Variants in DNMBP observed in about 807,000 individuals in gnomAD.
DNMBP encodes the protein dynamin binding protein, also known as dynamin-binding protein.
Under a neutral mutation model 150.0 loss-of-function variants are expected in DNMBP, and 87 were observed. The ratio of observed to expected loss-of-function variants is 0.58; its 90% CI spans 0.49 to 0.69. DNMBP has a LOEUF of 0.69. Among genes scored for constraint, DNMBP ranks in the 30% least tolerant of loss-of-function variants. The pLI is 0.00. For synonymous variants in DNMBP, 711 were observed against 750.4 expected, an observed-to-expected ratio of 0.95 and a Z score of 0.86; for missense variants, 1,774 against 1,949.0, an observed-to-expected ratio of 0.91 and a Z score of 1.69.
At chr10:99,969,282 T>C in intron 2 of DNMBP, 45 bp from the exon 3 acceptor site, 1 of 1,608,892 alleles carries the variant, frequency 6.2e-7, no homozygotes, top group Non-Finnish European at 8.5e-7. Context: ...CTGAGATTTC[T>C]TTTCCCGTCT....
intron 3 of DNMBP, among the ~76,000 whole-genome samples, chr10:99,959,920 G>A (rs1032715393): frequency 6.6e-6 from 1 of 151,706 alleles, no homozygotes; most frequent in Admixed American, 6.6e-5. Flanking sequence ...TGAAGGGTAT[G>A]GACAATGAAT....
At chr10:99,921,423 C>T (rs1173579906) in intron 4 of DNMBP, among the ~76,000 whole-genome samples, 2 of 152,168 alleles carry the variant, frequency 1.3e-5, no homozygotes, top group African/African-American at 2.4e-5. Flanking sequence ...CTATTATATG[C>T]CAAGTACTAT....
intron 8 of DNMBP, 113 bp from the exon 9 acceptor site, chr10:99,898,398 T>C (rs1364289001): frequency 1.1e-5 from 9 of 801,554 alleles, no homozygotes; most frequent in Non-Finnish European, 1.9e-5. Context: ...AATAATAATG[T>C]ACACCTATGG....
At chr10:99,961,261 CTTTTTCTTTTTTT>C (rs1564747544) in intron 3 of DNMBP, among the ~76,000 whole-genome samples, 3 of 132,282 alleles carry the variant, frequency 2.3e-5, no homozygotes, top group Non-Finnish European at 4.7e-5. Flanking sequence ...TATTTCTTCC[CTTTTTCTTTTTTT>C]TTTTTTTTTT....
chr10:99,916,669 G>A (rs527794126), intron 4 of DNMBP, among the ~76,000 whole-genome samples: 9 of 149,706 alleles, frequency 6.0e-5, no homozygotes, highest in South Asian at 4.3e-4. Context: ...AAAAAAAATC[G>A]AACCTCAATA....
intron 4 of DNMBP, among the ~76,000 whole-genome samples, chr10:99,936,513 T>A (rs1293417401): frequency 2.1e-5 from 3 of 139,760 alleles, no homozygotes; most frequent in Non-Finnish European, 4.6e-5. Context: ...GATTTCTTTT[T>A]TCTTTTTTTT....
At chr10:99,924,160 G>A (rs967205104) in intron 4 of DNMBP, among the ~76,000 whole-genome samples, 24 of 151,774 alleles carry the variant, frequency 1.6e-4, no homozygotes, top group Admixed American at 2.0e-4. Context: ...GGCCGGGTGC[G>A]GTGGCGGTAG....
At chr10:99,882,946 T>C (rs2039392893) in intron 15 of DNMBP, among the ~76,000 whole-genome samples, 1 of 151,944 alleles carries the variant, frequency 6.6e-6, no homozygotes, top group Admixed American at 6.6e-5. Context: ...GCGTGCTACT[T>C]GTGAGGCTGA....
intron 1 of DNMBP, among the ~76,000 whole-genome samples, chr10:99,985,537 A>T (rs1324322827): frequency 6.6e-6 from 1 of 152,056 alleles, no homozygotes; most frequent in Non-Finnish European, 1.5e-5. Context: ...TGTCAGGTGG[A>T]GGTTCCTTCA....
At chr10:99,970,318 C>A (rs1479429802) in intron 2 of DNMBP, among the ~76,000 whole-genome samples, 1 of 152,210 alleles carries the variant, frequency 6.6e-6, no homozygotes, top group Non-Finnish European at 1.5e-5. Flanking sequence ...ATTGGATTAA[C>A]ACAGATGCAT....
intron 9 of DNMBP, among the ~76,000 whole-genome samples, chr10:99,897,178 C>G (rs1228282177): frequency 6.6e-6 from 1 of 152,100 alleles, no homozygotes; most frequent in Non-Finnish European, 1.5e-5. Flanking sequence ...TCAGCACAGT[C>G]ACTGTGCTAT....
At chr10:99,992,123 C>T (rs1372506764) in intron 1 of DNMBP, among the ~76,000 whole-genome samples, 1 of 151,616 alleles carries the variant, frequency 6.6e-6, no homozygotes, top group Non-Finnish European at 1.5e-5. Context: ...GCCTATTGTC[C>T]CAGCTACTTG....
intron 11 of DNMBP, among the ~76,000 whole-genome samples, chr10:99,891,996 A>C (rs1474634456): frequency 7.9e-5 from 8 of 101,784 alleles, no homozygotes; most frequent in African/African-American, 1.2e-4. Context: ...CCTACTGGGA[A>C]GTGAGGAGCC....
At chr10:99,993,803 T>TA (rs1194756725) in intron 1 of DNMBP, among the ~76,000 whole-genome samples, 1 of 151,962 alleles carries the variant, frequency 6.6e-6, no homozygotes, top group Non-Finnish European at 1.5e-5. Context: ...ACCCTGTCTT[T>TA]AAAAAAACTG....
At chr10:99,959,268 T>C (rs1589439499) in intron 3 of DNMBP, among the ~76,000 whole-genome samples, 2 of 152,168 alleles carry the variant, frequency 1.3e-5, no homozygotes, top group Non-Finnish European at 2.9e-5. Flanking sequence ...CCAGTTGTAA[T>C]AGCTAATATG....
chr10:99,887,654 T>C (rs1031343900), intron 12 of DNMBP, among the ~76,000 whole-genome samples: 2 of 152,168 alleles, frequency 1.3e-5, no homozygotes, highest in African/African-American at 4.8e-5. Flanking sequence ...TTAAAAATAA[T>C]GTACAATTAG....
At chr10:99,915,301 C>G (rs1418116502) in intron 4 of DNMBP, among the ~76,000 whole-genome samples, 1 of 151,004 alleles carries the variant, frequency 6.6e-6, no homozygotes, top group Non-Finnish European at 1.5e-5. Flanking sequence ...AAATTCATCC[C>G]AGAGTTTGTC....
At chr10:99,908,141 T>C in intron 5 of DNMBP, 47 bp from the exon 6 acceptor site, 2 of 1,355,964 alleles carry the variant, frequency 1.5e-6, no homozygotes, top group South Asian at 2.4e-5. Flanking sequence ...ATGAGCTTAA[T>C]GGCATTTCAA....
At chr10:100,008,948 A>G (rs12252540) in intron 1 of DNMBP, among the ~76,000 whole-genome samples, 1,879 of 152,328 alleles carry the variant, frequency 0.012, 37 homozygotes, top group African/African-American at 0.041. Context: ...TATTAGCGTT[A>G]CCACTCGCCT....
Sources: gnomAD v4.1 joint callset for allele counts (sites outside exome capture counted in the v4.1 genomes callset) on GRCh38, gnomAD v4.1.1 for gene constraint, MANE v1.5 for transcripts, NCBI Gene and HGNC (gene_info 2026-07-23, HGNC 2026-07-21) for gene names.